Variants in LRRTM3 observed in about 807,000 individuals in gnomAD.
The protein encoded by LRRTM3 is leucine-rich repeat transmembrane neuronal protein 3.
In LRRTM3, 24 loss-of-function variants were observed where a neutral mutation model predicts 44.7. The observed-to-expected ratio is 0.54, with a 90% confidence interval of 0.39 to 0.76. The LOEUF is 0.76. LRRTM3 is among the 30% of genes least tolerant of loss of function. LRRTM3 has a pLI of 0.00. For synonymous variants in LRRTM3, 277 were observed against 278.7 expected (o/e 0.99, Z 0.06); for missense variants, 587 against 702.2 (o/e 0.84, Z 1.85).
chr10:66,956,096 A>G (rs912153721), intron 2 of LRRTM3, among the ~76,000 whole-genome samples: 4 of 152,094 alleles, frequency 2.6e-5, no homozygotes, highest in African/African-American at 4.8e-5. Context: ...TTGCAAAGGT[A>G]CCTGACCACC....
intron 2 of LRRTM3, among the ~76,000 whole-genome samples, chr10:67,055,659 T>C (rs1221984959): frequency 6.6e-6 from 1 of 152,168 alleles, no homozygotes; most frequent in East Asian, 1.9e-4. Context: ...GGATATCACT[T>C]ACCATGGGCT....
intron 2 of LRRTM3, among the ~76,000 whole-genome samples, chr10:67,033,243 T>G (rs1853841535): frequency 6.6e-6 from 1 of 152,230 alleles, no homozygotes. Context: ...GCTTTCTCTC[T>G]GAGGCAAAGT....
At chr10:67,035,185 A>G (rs1484600736) in intron 2 of LRRTM3, among the ~76,000 whole-genome samples, 1 of 152,242 alleles carries the variant, frequency 6.6e-6, no homozygotes, top group South Asian at 2.1e-4. Context: ...CCATATGAAT[A>G]TATAGATATG....
chr10:66,990,352 T>C (rs1850977022), intron 2 of LRRTM3, among the ~76,000 whole-genome samples: 1 of 152,200 alleles, frequency 6.6e-6, no homozygotes, highest in Non-Finnish European at 1.5e-5. Flanking sequence ...TTCTCCTCTA[T>C]GCTGAATTAA....
At chr10:67,093,563 G>A (rs1349323065) in intron 2 of LRRTM3, among the ~76,000 whole-genome samples, 1 of 151,864 alleles carries the variant, frequency 6.6e-6, no homozygotes, top group African/African-American at 2.4e-5. Context: ...ACAAGGTTGA[G>A]TCAAACAGAT....
chr10:66,949,563 T>TA (rs5785805), intron 2 of LRRTM3, among the ~76,000 whole-genome samples: 163 of 139,568 alleles, frequency 1.2e-3, no homozygotes, highest in Non-Finnish European at 1.6e-3. Flanking sequence ...CATCTCAAAA[T>TA]AAAAAAAAAA....
At chr10:66,952,403 G>A (rs942782) in intron 2 of LRRTM3, among the ~76,000 whole-genome samples, 144,966 of 152,236 alleles carry the variant, frequency 0.95, 69,446 homozygotes, top group East Asian at 1. Flanking sequence ...CATAAGCAAC[G>A]CATCTGTAGC....
At chr10:67,050,221 G>A (rs1038961230) in intron 2 of LRRTM3, among the ~76,000 whole-genome samples, 1 of 152,222 alleles carries the variant, frequency 6.6e-6, no homozygotes, top group Non-Finnish European at 1.5e-5. Flanking sequence ...TAAGAGGAAA[G>A]CATTATTCCC....
chr10:66,937,804 C>T (rs369008698), intron 2 of LRRTM3, among the ~76,000 whole-genome samples: 3 of 152,116 alleles, frequency 2.0e-5, no homozygotes, highest in Non-Finnish European at 2.9e-5. Context: ...CTCCCAAGTC[C>T]TCCAGTCAAT....
chr10:66,940,337 T>C (rs1043382679), intron 2 of LRRTM3, among the ~76,000 whole-genome samples: 1 of 151,416 alleles, frequency 6.6e-6, no homozygotes, highest in Non-Finnish European at 1.5e-5. Flanking sequence ...CTACAAAAAA[T>C]GAAAAAAAAT....
At chr10:67,067,571 T>C (rs1856169895) in intron 2 of LRRTM3, among the ~76,000 whole-genome samples, 1 of 152,188 alleles carries the variant, frequency 6.6e-6, no homozygotes, top group Non-Finnish European at 1.5e-5. Context: ...AAGATAATAA[T>C]TTAGACTCAT....
At chr10:67,089,717 A>ATGTGTGTGTGTGTG (rs71006125) in intron 2 of LRRTM3, among the ~76,000 whole-genome samples, 56 of 144,742 alleles carry the variant, frequency 3.9e-4, no homozygotes, top group African/African-American at 7.1e-4. Context: ...GTATATACAT[A>ATGTGTGTGTGTGTG]TGTGTGTGTG....
rs772722428 is a variant in LRRTM3 at position 66,928,295 on chromosome 10, G to A, written c.1379G>A (p.Arg460Lys). The A allele has an allele frequency of 3.0e-5, 48 of 1,614,014 alleles. No individual in the cohort carries two copies. The South Asian group carries it at 3.2e-4, about 11-fold the overall frequency. Residue 460 changes from arginine (R) to lysine (K), a missense_variant, in exon 2 of 3, where the codon AGG becomes AAG. Around this residue, in one of 3 missense-constraint regions of LRRTM3, gnomAD observed 315 missense variants for 335.6 expected, o/e 0.94. Coordinates refer to ENST00000361320, the MANE Select transcript of LRRTM3 (RefSeq NM_178011.5). ...KQLQQRSLMRRHRKKKRQSLK... is the reference protein window; with the variant it reads ...KQLQQRSLMRKHRKKKRQSLK... ...CTGCAGCAGCGCTCCCTCATGCGAA[G>A]GCACAGGAAAAAGAAAAGACAGTCC...
At chr10:67,003,503 T>C (rs576204756) in intron 2 of LRRTM3, among the ~76,000 whole-genome samples, 2 of 152,334 alleles carry the variant, frequency 1.3e-5, no homozygotes, top group East Asian at 3.9e-4. Context: ...TTGCATACTA[T>C]ATTCCCAATC....
At chr10:67,009,669 T>C (rs1852206102) in intron 2 of LRRTM3, among the ~76,000 whole-genome samples, 2 of 152,166 alleles carry the variant, frequency 1.3e-5, no homozygotes, top group African/African-American at 2.4e-5. Context: ...TGTTATTATC[T>C]CTTTAGTCTC....
intron 2 of LRRTM3, among the ~76,000 whole-genome samples, chr10:66,976,949 A>G (rs1292552925): frequency 2.0e-5 from 3 of 152,168 alleles, no homozygotes; most frequent in Non-Finnish European, 2.9e-5. Flanking sequence ...CAAAATTTAA[A>G]TTTCTAGTAT....
At chr10:66,981,527 C>T (rs1179408906) in intron 2 of LRRTM3, among the ~76,000 whole-genome samples, 2 of 152,166 alleles carry the variant, frequency 1.3e-5, no homozygotes, top group African/African-American at 2.4e-5. Flanking sequence ...TACAGCATAT[C>T]TCCATTGCAC....
At chr10:67,059,012 C>T (rs1167030386) in intron 2 of LRRTM3, among the ~76,000 whole-genome samples, 1 of 152,148 alleles carries the variant, frequency 6.6e-6, no homozygotes, top group Admixed American at 6.5e-5. Flanking sequence ...TCTTTAAATT[C>T]TGCTAATGCA....
chr10:67,050,704 C>T (rs1388270417), intron 2 of LRRTM3, among the ~76,000 whole-genome samples: 1 of 152,190 alleles, frequency 6.6e-6, no homozygotes, highest in African/African-American at 2.4e-5. Context: ...AATTTACTGA[C>T]TTCCTCTCAG....
Sources: allele counts gnomAD v4.1 joint callset (sites outside exome capture counted in the v4.1 genomes callset), GRCh38; gene constraint gnomAD v4.1.1; regional missense constraint gnomAD v4.1.1; transcripts MANE v1.5; gene names NCBI Gene and HGNC (gene_info 2026-07-23, HGNC 2026-07-21).